The following ZNF462 variants were observed in gnomAD, a reference collection of about 807,000 sequenced individuals.
The protein encoded by ZNF462 is zinc finger PBX1-interacting protein.
ZNF462 carries 10 observed loss-of-function variants against 201.9 expected under a neutral mutation model. The observed-to-expected ratio is 0.05, with a 90% CI of 0.03 to 0.08. ZNF462 has a LOEUF of 0.08. Among genes scored for constraint, ZNF462 ranks in the 10% least tolerant of loss-of-function variants. ZNF462 has a pLI of 1.00. For missense variants in ZNF462, 2,523 were observed against 3,168.3 expected (o/e 0.80, Z 4.89); for synonymous variants, 1,227 against 1,193.3 (o/e 1.03, Z -0.58).
Position 106,927,628 on chromosome 9 carries a change from G to A in ZNF462, c.3716G>A (p.Arg1239Gln), listed in dbSNP as rs754428110. ...GCCACCATTCGAAGCCTCTGCGACC[G>A]AAATCAGAAGAAGCCTGCCAGCTGC... ...HTATIRSLCD[R>Q]NQKKPASCVL... Residue 1239 changes from arginine (R) to glutamine (Q), a missense_variant, in exon 3 of 13, where the codon CGA (arginine) becomes CAA (glutamine). By Grantham distance (43) the Arg-to-Gln change is conservative. Transcript: ENST00000277225. 11 of 1,613,956 alleles carry A rather than the reference G, an allele frequency of 6.8e-6. No individual in the cohort carries two copies. Among genetic ancestry groups the A allele is most frequent in the East Asian group, 4.5e-5 (2 of 44,856 alleles).
Position 106,984,098 on chromosome 9 carries a change from G to T in ZNF462, c.6833-88G>T, listed in dbSNP as rs750035268. 153 of 1,244,972 alleles carry T rather than the reference G, an allele frequency of 1.2e-4. No individual in the cohort carries two copies. The highest frequency in any genetic ancestry group is 3.8e-4 in the Middle Eastern group (2 of 5,210). 77.1% of individuals were successfully genotyped at this position (1,244,972 alleles called of 1,614,324 possible). ...AGATCCACGAGGAGCAGCAAGATTGGGTGAGTTTCTTCTTGTATTCCAAAG... is the reference window on the plus strand; with the variant it reads ...AGATCCACGAGGAGCAGCAAGATTGTGTGAGTTTCTTCTTGTATTCCAAAG... On this transcript the variant is annotated intron_variant, in intron 9 of 12. Coordinates refer to ENST00000277225, the MANE Select transcript of ZNF462 (RefSeq NM_021224.6). This position sits in a 1 kb window ranked among gnomAD's most constrained non-coding sequence, Gnocchi z 6.4.
intron 1 of ZNF462, among the ~76,000 whole-genome samples, chr9:106,916,560 G>A (rs1384543009): frequency 1.3e-5 from 2 of 152,180 alleles, no homozygotes; most frequent in Non-Finnish European, 2.9e-5. Flanking sequence ...TTTGGGCGAG[G>A]TTTAGCTCTG....
At chr9:106,921,964 A>G (rs1012007798) in intron 1 of ZNF462, among the ~76,000 whole-genome samples, 6 of 152,150 alleles carry the variant, frequency 3.9e-5, no homozygotes, top group Non-Finnish European at 8.8e-5. Flanking sequence ...TCTGCGGCTC[A>G]CTCTGCAAGC....
In ZNF462 at chr9:106,928,901, G is replaced by T; in HGVS notation, c.4989G>T (p.Gln1663His). 6.2e-7 allele frequency: 1 copy of T among 1,614,038 alleles called. No homozygotes were observed. The highest frequency in any genetic ancestry group is 8.5e-7 in the Non-Finnish European group (1 of 1,180,038). The change falls in exon 3 of 13, where the codon CAG becomes CAT. Residue 1663 changes from glutamine (Q) to histidine (H), a missense_variant. Around this residue, in one of 15 missense-constraint regions of ZNF462, gnomAD observed 200 missense variants for 281.3 expected, o/e 0.71. Coordinates refer to ENST00000277225, the MANE Select transcript of ZNF462 (RefSeq NM_021224.6). This position sits in a 1 kb window ranked among gnomAD's most constrained non-coding sequence, Gnocchi z 9.3. Reference sequence around the variant, plus strand: ...TCTCCCACACTGTGTTCCGGTGCCAGCTCTGCAAGTACTTCTGCTCCACGA... The same window carrying T: ...TCTCCCACACTGTGTTCCGGTGCCATCTCTGCAAGTACTTCTGCTCCACGA... ...HLVSHTVFRC[Q>H]LCKYFCSTRK... is the part of the protein sequence containing the mutation.
intron 1 of ZNF462, among the ~76,000 whole-genome samples, chr9:106,881,600 C>A (rs897442618): frequency 5.3e-5 from 8 of 152,290 alleles, no homozygotes; most frequent in African/African-American, 1.7e-4. Context: ...TAAACACTTT[C>A]TATAGGTAGA....
Position 106,913,821 on chromosome 9 carries a change from C to T in ZNF462, c.-30-9533C>T, listed in dbSNP as rs1164321141. Reference sequence around the variant, plus strand: ...TTTACCATGTTGGCTAGGCTGGTCTCGAACTCCTTACCTCAAGTGATCTGC... The same window carrying T: ...TTTACCATGTTGGCTAGGCTGGTCTTGAACTCCTTACCTCAAGTGATCTGC... On this transcript the variant is annotated intron_variant, in intron 1 of 12. Transcript: ENST00000277225. The surrounding 1 kb of genome is among the most constrained non-coding windows in gnomAD (Gnocchi z 4.1). Among the ~76,000 whole-genome samples the T allele has an allele frequency of 6.0e-5, 9 of 150,364 alleles. No individual in the cohort carries two copies. The highest frequency in any genetic ancestry group is 1.2e-4 in the African/African-American group (5 of 41,256).
At position 106,925,312 on chromosome 9, in the gene ZNF462, C is replaced by G. The variant is rs1450555252; in HGVS notation, c.1400C>G (p.Thr467Arg). Residue 467 changes from threonine to arginine, a missense_variant, in exon 3 of 13, where the codon ACA (threonine) becomes AGA (arginine). By Grantham distance (71) the Thr-to-Arg change is moderately conservative. Coordinates refer to ENST00000277225, the MANE Select transcript of ZNF462 (RefSeq NM_021224.6). The surrounding 1 kb of genome is among the most constrained non-coding windows in gnomAD (Gnocchi z 7.9). ...HIENIHLSGK[T>R]AVYKCDECPF... is the part of the protein sequence containing the mutation. ...GAAAACATCCACTTATCTGGAAAGA[C>G]AGCTGTCTACAAATGTGACGAATGT... The G allele has an allele frequency of 1.9e-6, 3 of 1,614,096 alleles. No individual in the cohort carries two copies. Among genetic ancestry groups the G allele is most frequent in the Non-Finnish European group, 1.7e-6 (2 of 1,180,050 alleles).
rs1028747789 is a variant in ZNF462, at chr9:107,012,383, A to C, written c.*1353A>C. 3.8e-5 allele frequency: 5 copies of C among 132,594 alleles called. No individual in the cohort carries two copies. Among genetic ancestry groups the C allele is most frequent in the Admixed American group, 3.6e-4 (5 of 14,074 alleles). The allele number at this position is 132,594 out of a possible 1,614,324, so 8.2% of individuals were successfully genotyped here. A position where few individuals can be genotyped will look rare whatever the true frequency, so the allele number is the denominator to read the frequency against. ...ACTAGAATCCCATCCCTTTCGTGAG[A>C]GTGGACAAGAAATAACATATCCTAC... is the stretch of plus-strand genomic sequence containing the variant. On this transcript the variant is annotated 3_prime_UTR_variant, in exon 13 of 13. Coordinates refer to ENST00000277225, the MANE Select transcript of ZNF462 (RefSeq NM_021224.6).
chr9:106,894,199 C>G (rs1264691796), intron 1 of ZNF462, among the ~76,000 whole-genome samples: 1 of 152,240 alleles, frequency 6.6e-6, no homozygotes, highest in Non-Finnish European at 1.5e-5. Flanking sequence ...CAAGCCCATG[C>G]TCCTCACTGC....
rs369984867 is a variant in ZNF462 at position 106,980,367 on chromosome 9, G to C, written c.6833-3819G>C. On this transcript the variant is annotated intron_variant, in intron 9 of 12. Transcript: ENST00000277225. Reference sequence around the variant, plus strand: ...TCTAGAGTGGCAATTTGCACGCAAAGTTTTGGTGGAGTGAAGAACTTCCAA... The same window carrying C: ...TCTAGAGTGGCAATTTGCACGCAAACTTTTGGTGGAGTGAAGAACTTCCAA... Among the ~76,000 whole-genome samples, 7 of 152,346 alleles carry C rather than the reference G, an allele frequency of 4.6e-5. No individual in the cohort carries two copies. In the East Asian group the frequency reaches 1.4e-3, roughly 29 times the overall value.
At position 106,978,065 on chromosome 9, in the gene ZNF462, A is replaced by G. The variant is rs1035634903; in HGVS notation, c.6832+3792A>G. ...CCATCTTCATATGGGCTTTTTCTCT[A>G]TGTGTATCTCTTTGTGCCCTCTTTT... On this transcript the variant is annotated intron_variant, in intron 9 of 12. Coordinates refer to ENST00000277225, the MANE Select transcript of ZNF462 (RefSeq NM_021224.6). The surrounding 1 kb of genome is among the most constrained non-coding windows in gnomAD (Gnocchi z 4.1). 8.6e-5 allele frequency among the ~76,000 whole-genome samples: 13 copies of G among 151,224 alleles called. No individual in the cohort carries two copies. Among genetic ancestry groups the G allele is most frequent in the Non-Finnish European group, 7.4e-5 (5 of 67,996 alleles).
At chr9:106,892,507 A>G (rs1828622546) in intron 1 of ZNF462, among the ~76,000 whole-genome samples, 1 of 142,352 alleles carries the variant, frequency 7.0e-6, no homozygotes, top group Non-Finnish European at 1.5e-5. Context: ...CTCACTTAAC[A>G]TTTTTTATTG....
intron 7 of ZNF462, among the ~76,000 whole-genome samples, chr9:106,942,422 T>A (rs1307255108): frequency 6.6e-6 from 1 of 152,212 alleles, no homozygotes; most frequent in Non-Finnish European, 1.5e-5. Flanking sequence ...GCTGTCAGTG[T>A]TGACATGTTT....
At chr9:106,903,125 T>TA (rs899499126) in intron 1 of ZNF462, among the ~76,000 whole-genome samples, 2 of 152,120 alleles carry the variant, frequency 1.3e-5, no homozygotes, top group African/African-American at 4.8e-5. Flanking sequence ...GAGGTTTTGA[T>TA]AGGTTGTGTC....
At position 106,970,659 on chromosome 9, in the gene ZNF462, G is replaced by T. The variant is rs2132022881; in HGVS notation, c.6428-1346G>T. ...AGGAAAGTTACACTGAAATTCATCT[G>T]TGTGGTATTCATGGACTTCATTTGT... On this transcript the variant is annotated intron_variant, in intron 7 of 12. Transcript: ENST00000277225. This position sits in a 1 kb window ranked among gnomAD's most constrained non-coding sequence, Gnocchi z 4.2. 6.6e-6 allele frequency among the ~76,000 whole-genome samples: 1 copy of T among 152,258 alleles called. No homozygotes were observed. The highest frequency in any genetic ancestry group is 1.9e-4 in the East Asian group (1 of 5,194).
In ZNF462 at chr9:106,930,881, C is replaced by T. The variant is rs761813369; in HGVS notation, c.6012+192C>T. On this transcript the variant is annotated intron_variant, in intron 4 of 12. Transcript: ENST00000277225. This position sits in a 1 kb window ranked among gnomAD's most constrained non-coding sequence, Gnocchi z 5.8. ...CTCATCTTTCTGTTCAGGGAAAGGT[C>T]GAGTTTCGATCTGGTTTCCTTCCAC... is the stretch of plus-strand genomic sequence containing the variant. 4.2e-5 allele frequency: 26 copies of T among 613,384 alleles called. No individual in the cohort carries two copies. The South Asian group carries it at 4.7e-4, about 11-fold the overall frequency. 38.0% of individuals were successfully genotyped at this position (613,384 alleles called of 1,614,324 possible). A position where few individuals can be genotyped will look rare whatever the true frequency, so the allele number is the denominator to read the frequency against.
At chr9:106,874,727 G>A (rs1043148643) in intron 1 of ZNF462, among the ~76,000 whole-genome samples, 4 of 152,108 alleles carry the variant, frequency 2.6e-5, no homozygotes, top group Non-Finnish European at 5.9e-5. Flanking sequence ...ATCTTCTCCC[G>A]TGGCTTTGCC....
rs558795215 is a variant in ZNF462, at chr9:106,914,225, A to G, written c.-30-9129A>G. Among the ~76,000 whole-genome samples, 9 of 138,920 alleles carry G rather than the reference A, an allele frequency of 6.5e-5. 2 individuals carry two copies. The South Asian group carries it at 1.7e-3, about 25-fold the overall frequency. 91.1% of individuals were successfully genotyped at this position (138,920 alleles called of 152,430 possible). Reference sequence around the variant, plus strand: ...GAGACTCCCCAGCCAGGACCCCATAAAGGGCCTCTGAAGACAGGTGGGTTA... The same window carrying G: ...GAGACTCCCCAGCCAGGACCCCATAGAGGGCCTCTGAAGACAGGTGGGTTA... On this transcript the variant is annotated intron_variant, in intron 1 of 12. Transcript: ENST00000277225.
rs1828780845 is a variant in ZNF462, at chr9:106,895,667, C to T, written c.-30-27687C>T. ...CCCTATGAAATGGATATTTTTTAGT[C>T]CCATTATACAGGTCAGGAAGTTGGA... is the stretch of plus-strand genomic sequence containing the variant. On this transcript the variant is annotated intron_variant, in intron 1 of 12. Transcript: ENST00000277225. This position sits in a 1 kb window ranked among gnomAD's most constrained non-coding sequence, Gnocchi z 4.4. Among the ~76,000 whole-genome samples the T allele has an allele frequency of 6.6e-6, 1 of 152,116 alleles. No individual in the cohort carries two copies. The highest frequency in any genetic ancestry group is 2.4e-5 in the African/African-American group (1 of 41,414).
Sources: allele counts gnomAD v4.1 joint callset (sites outside exome capture counted in the v4.1 genomes callset), GRCh38; gene constraint gnomAD v4.1.1; regional missense constraint gnomAD v4.1.1; non-coding constraint Gnocchi (gnomAD v3.1); transcripts MANE v1.5; gene names NCBI Gene and HGNC (gene_info 2026-07-23, HGNC 2026-07-21).